Variants in ARMH4 observed in about 807,000 individuals in gnomAD.
ARMH4 encodes the protein armadillo like helical domain containing 4.
A neutral mutation model predicts 61.9 loss-of-function variants in ARMH4; 49 were observed. The observed-to-expected ratio is 0.79, with a 90% CI of 0.63 to 1.00. The LOEUF (loss-of-function observed/expected upper bound fraction) is 1.00. Ranked by LOEUF, ARMH4 falls within the 50% of genes least tolerant of loss-of-function variation. The pLI, the probability that ARMH4 is intolerant of heterozygous loss-of-function variation, is 0.00. For synonymous variants in ARMH4, 368 were observed against 341.5 expected (o/e 1.08, Z -0.85); for missense variants, 934 against 930.0 (o/e 1.00, Z -0.06).
At chr14:58,044,248 T>C (rs571993910) in intron 5 of ARMH4, among the ~76,000 whole-genome samples, 1 of 152,200 alleles carries the variant, frequency 6.6e-6, no homozygotes, top group Non-Finnish European at 1.5e-5. Flanking sequence ...AGCAGCACGG[T>C]ACTGGTACCA....
intron 5 of ARMH4, among the ~76,000 whole-genome samples, chr14:58,017,447 A>G (rs1277761171): frequency 6.6e-6 from 1 of 152,250 alleles, no homozygotes; most frequent in Non-Finnish European, 1.5e-5. Context: ...AATTTGCAGG[A>G]TACAAAATCA....
chr14:58,110,384 G>A (rs974873288), intron 4 of ARMH4, among the ~76,000 whole-genome samples: 8 of 152,234 alleles, frequency 5.3e-5, no homozygotes, highest in Admixed American at 5.2e-4. Flanking sequence ...ACAGCATGTT[G>A]TTATTAACTA....
chr14:58,011,973 T>C (rs1255985064), intron 6 of ARMH4, 146 bp downstream of exon 6: 7 of 599,268 alleles, frequency 1.2e-5, no homozygotes, highest in African/African-American at 3.9e-5. Flanking sequence ...GCTTCTTTTT[T>C]GCAGGTACTG....
chr14:58,060,766 G>A (rs756690251), intron 5 of ARMH4, among the ~76,000 whole-genome samples: 2 of 152,162 alleles, frequency 1.3e-5, no homozygotes, highest in Admixed American at 6.6e-5. Context: ...AGGTATCTCC[G>A]GGGTGTTTGG....
At chr14:58,142,562 C>A (rs1186952835) in intron 1 of ARMH4, among the ~76,000 whole-genome samples, 2 of 151,974 alleles carry the variant, frequency 1.3e-5, no homozygotes, top group African/African-American at 4.8e-5. Flanking sequence ...CTCACTGCAA[C>A]CTCCGCCTCT....
chr14:58,082,879 C>T (rs952664708), intron 5 of ARMH4, among the ~76,000 whole-genome samples: 2 of 152,166 alleles, frequency 1.3e-5, no homozygotes, highest in African/African-American at 4.8e-5. Context: ...TCACCCCCTG[C>T]CCCTCCTCCA....
chr14:58,125,396 G>C (rs769643559), intron 4 of ARMH4, among the ~76,000 whole-genome samples: 6 of 152,174 alleles, frequency 3.9e-5, no homozygotes, highest in Non-Finnish European at 7.3e-5. Flanking sequence ...GTTAGGCATT[G>C]ATAGCACCCA....
chr14:58,014,186 G>A (rs990283957), intron 5 of ARMH4, among the ~76,000 whole-genome samples: 1 of 152,060 alleles, frequency 6.6e-6, no homozygotes, highest in Non-Finnish European at 1.5e-5. Flanking sequence ...CCTCCCTTAG[G>A]TCCTGGCTTT....
chr14:58,049,065 A>G (rs183029135), intron 5 of ARMH4, among the ~76,000 whole-genome samples: 71 of 151,986 alleles, frequency 4.7e-4, no homozygotes, highest in Middle Eastern at 3.4e-3. Context: ...GTGAAACCCC[A>G]TCTCTATTAA....
chr14:58,140,818 G>A (rs751103287), intron 1 of ARMH4, among the ~76,000 whole-genome samples: 47 of 152,136 alleles, frequency 3.1e-4, no homozygotes, highest in Admixed American at 5.9e-4. Flanking sequence ...AAGGAGAATC[G>A]CTTGAACCCG....
chr14:58,099,001 C>CG (rs1430224294), intron 4 of ARMH4, among the ~76,000 whole-genome samples: 1 of 151,920 alleles, frequency 6.6e-6, no homozygotes, highest in African/African-American at 2.4e-5. Context: ...GTAGTCATAT[C>CG]GGGGATGTAA....
intron 2 of ARMH4, 116 bp downstream of exon 2, chr14:58,137,874 G>A: frequency 9.6e-7 from 1 of 1,038,670 alleles, no homozygotes; most frequent in Non-Finnish European, 1.4e-6. Context: ...GGCATGAGCT[G>A]CTGCACCTGG....
chr14:58,051,905 C>T (rs1378898632), intron 5 of ARMH4, among the ~76,000 whole-genome samples: 1 of 152,106 alleles, frequency 6.6e-6, no homozygotes, highest in Non-Finnish European at 1.5e-5. Flanking sequence ...ATCTAGTTAA[C>T]AACTCAAATA....
intron 5 of ARMH4, 75 bp downstream of exon 5, chr14:58,096,649 T>A: frequency 6.7e-7 from 1 of 1,502,140 alleles, no homozygotes; most frequent in South Asian, 1.3e-5. Flanking sequence ...TAGATGGCAA[T>A]GAAAGAAGGC....
intron 4 of ARMH4, among the ~76,000 whole-genome samples, chr14:58,122,254 T>TTTATA: frequency 6.6e-6 from 1 of 152,308 alleles, no homozygotes; most frequent in Non-Finnish European, 1.5e-5. Flanking sequence ...CAAACTTGGT[T>TTTATA]TTATAAATAT....
rs1486347831 is a variant in ARMH4 at position 58,002,333 on chromosome 14, G to C, written c.*2403C>G. On this transcript the variant is annotated 3_prime_UTR_variant, in exon 8 of 8. Transcript: ENST00000267485. Reference sequence around the variant, plus strand: ...CCACTCAATCCAGATGTTTAAATGGGTTTGTACAGAAATGTACTCTAAGTA... The same window carrying C: ...CCACTCAATCCAGATGTTTAAATGGCTTTGTACAGAAATGTACTCTAAGTA... The C allele has an allele frequency of 6.6e-6, 1 of 152,042 alleles. No homozygotes were observed. The highest frequency in any genetic ancestry group is 1.9e-4 in the East Asian group (1 of 5,188). The allele number at this position is 152,042 out of a possible 1,614,324, so 9.4% of individuals were successfully genotyped here. A position where few individuals can be genotyped will look rare whatever the true frequency, so the allele number is the denominator to read the frequency against.
At chr14:58,101,017 TA>T in intron 4 of ARMH4, 1 of 181,164 alleles carries the variant, frequency 5.5e-6, no homozygotes. Flanking sequence ...TGTGGGACAC[TA>T]AGGCCCACAT....
At chr14:58,045,611 TAA>T (rs35233829) in intron 5 of ARMH4, among the ~76,000 whole-genome samples, 4 of 133,806 alleles carry the variant, frequency 3.0e-5, no homozygotes, top group African/African-American at 8.2e-5. Context: ...TAAAGTATAA[TAA>T]AAAAAAAAAA....
chr14:58,006,615 C>T (rs1161003877), intron 6 of ARMH4, among the ~76,000 whole-genome samples: 1 of 152,140 alleles, frequency 6.6e-6, no homozygotes, highest in Non-Finnish European at 1.5e-5. Context: ...CACTGTTCCT[C>T]AGCATACTAA....
Sources: gnomAD v4.1 joint callset for allele counts (sites outside exome capture counted in the v4.1 genomes callset) on GRCh38, gnomAD v4.1.1 for gene constraint, MANE v1.5 for transcripts, NCBI Gene and HGNC (gene_info 2026-07-23, HGNC 2026-07-21) for gene names.